Variants in SGMS1 observed in about 807,000 individuals in gnomAD.
SGMS1 encodes the protein sphingomyelin synthase 1.
A neutral mutation model predicts 46.2 loss-of-function variants in SGMS1; 13 were observed. The observed-to-expected ratio is 0.28, with a 90% CI of 0.18 to 0.45. The LOEUF (loss-of-function observed/expected upper bound fraction) is 0.45. Among genes scored for constraint, SGMS1 ranks in the 20% least tolerant of loss-of-function variants. The probability of loss-of-function intolerance (pLI) is 1.00; values close to 1 mark genes in which losing one functional copy is unlikely to be tolerated. For missense variants in SGMS1, 324 were observed against 519.9 expected (o/e 0.62, Z 3.66); for synonymous variants, 203 against 187.8 (o/e 1.08, Z -0.66).
chr10:50,353,206 C>T (rs989753292), intron 6 of SGMS1, among the ~76,000 whole-genome samples: 66 of 152,372 alleles, frequency 4.3e-4, no homozygotes, highest in African/African-American at 1.5e-3. Context: ...ACTGGCAAAC[C>T]GAATCCAGCA....
rs79141038 is a variant in SGMS1, at chr10:50,606,594, T to C, written c.-683-16347A>G. 7.6e-3 allele frequency among the ~76,000 whole-genome samples: 1,164 copies of C among 152,342 alleles called. 18 individuals carry two copies. The highest frequency in any genetic ancestry group is 0.027 in the African/African-American group (1,110 of 41,576). On this transcript the variant is annotated intron_variant, in intron 1 of 10. Transcript: ENST00000361781. ...ATATATTTCTATGCATATTTAAGAATCTACCAAAGTTGTCTTCAGCTTCCA... is the reference window on the plus strand; with the variant it reads ...ATATATTTCTATGCATATTTAAGAACCTACCAAAGTTGTCTTCAGCTTCCA...
intron 2 of SGMS1, among the ~76,000 whole-genome samples, chr10:50,587,941 TG>T: frequency 6.6e-6 from 1 of 152,276 alleles, no homozygotes; most frequent in South Asian, 2.1e-4. Flanking sequence ...ATTTTCCATA[TG>T]TATCTTCTAC....
chr10:50,455,182 C>G lies in SGMS1; in HGVS notation c.-313+5491G>C, dbSNP rs1837176324. ...CTATACCCAGGGCTGCAGCACTGCA[C>G]AATTCCAGGGGTGTCATTTACTCAC... is the stretch of plus-strand genomic sequence containing the variant. On this transcript the variant is annotated intron_variant, in intron 5 of 10. Coordinates refer to ENST00000361781, the MANE Select transcript of SGMS1 (RefSeq NM_147156.4). Among the ~76,000 whole-genome samples the G allele has an allele frequency of 2.6e-5, 4 of 152,144 alleles. No homozygotes were observed. In the South Asian group the frequency reaches 8.3e-4, roughly 31 times the overall value.
In SGMS1 at chr10:50,384,385, T is replaced by TTC. The variant is rs373499152; in HGVS notation, c.-231-40042_-231-40041dup. ...ACTTACTTTCTTTCTCTCTTTCTTT[T>TTC]TCTCTCTCTCTCTCTCCTTTCCTTC... On this transcript the variant is annotated intron_variant, in intron 6 of 10. Transcript: ENST00000361781. 5.8e-4 allele frequency among the ~76,000 whole-genome samples: 86 copies of TTC among 148,692 alleles called. 1 individual carries two copies. The East Asian group carries it at 0.014, about 25-fold the overall frequency.
intron 6 of SGMS1, among the ~76,000 whole-genome samples, chr10:50,384,223 T>A (rs535856780): frequency 6.6e-6 from 1 of 152,210 alleles, no homozygotes; most frequent in East Asian, 1.9e-4. Flanking sequence ...CTATTAAGAT[T>A]TTTTCTTCCT....
chr10:50,327,993 G>C (rs1589386826), intron 7 of SGMS1: 1 of 334,910 alleles, frequency 3.0e-6, no homozygotes, highest in East Asian at 1.0e-4. Flanking sequence ...CCATATAGTA[G>C]GTACAAATGG....
At chr10:50,318,931 CA>C (rs910663582) in intron 8 of SGMS1, among the ~76,000 whole-genome samples, 2 of 151,532 alleles carry the variant, frequency 1.3e-5, no homozygotes, top group Non-Finnish European at 2.9e-5. Flanking sequence ...TTCCCTCCAT[CA>C]AAAAAAACTT....
chr10:50,479,097 T>A lies in SGMS1; in HGVS notation c.-497-12165A>T, dbSNP rs574758088. ...GCTCCAGAATTTCTCCAGCCTTAAA[T>A]ATGTTAATGAGTATAGTGAATTTCC... On this transcript the variant is annotated intron_variant, in intron 3 of 10. Coordinates refer to ENST00000361781, the MANE Select transcript of SGMS1 (RefSeq NM_147156.4). Among the ~76,000 whole-genome samples, 7 of 131,956 alleles carry A rather than the reference T, an allele frequency of 5.3e-5. No individual in the cohort carries two copies. In the East Asian group the frequency reaches 1.4e-3, roughly 27 times the overall value. The allele number at this position is 131,956 out of a possible 152,430, so 86.6% of individuals were successfully genotyped here. A position where few individuals can be genotyped will look rare whatever the true frequency, so the allele number is the denominator to read the frequency against.
chr10:50,437,994 G>A (rs746528917), intron 5 of SGMS1, among the ~76,000 whole-genome samples: 41 of 152,334 alleles, frequency 2.7e-4, no homozygotes, highest in Non-Finnish European at 4.4e-4. Context: ...TAGAGAAGAG[G>A]AGGAAAAGCC....
chr10:50,560,608 A>G (rs1838228616), intron 2 of SGMS1, among the ~76,000 whole-genome samples: 1 of 147,132 alleles, frequency 6.8e-6, no homozygotes, highest in Non-Finnish European at 1.5e-5. Context: ...GGCATATAAT[A>G]CACAATATAT....
rs1047721350 is a variant in SGMS1, at chr10:50,306,885, C to T, written c.*257G>A. ...CATATACAAAGGAACATGGTGGTTG[C>T]GGGTTATGTAAATCCCAAACTTATG... On this transcript the variant is annotated 3_prime_UTR_variant, in exon 11 of 11. Coordinates refer to ENST00000361781, the MANE Select transcript of SGMS1 (RefSeq NM_147156.4). 8 of 332,468 alleles carry T rather than the reference C, an allele frequency of 2.4e-5. No individual in the cohort carries two copies. The highest frequency in any genetic ancestry group is 7.8e-4 in the Middle Eastern group (1 of 1,290). The allele number at this position is 332,468 out of a possible 1,614,324, so 20.6% of individuals were successfully genotyped here. A position where few individuals can be genotyped will look rare whatever the true frequency, so the allele number is the denominator to read the frequency against.
At chr10:50,378,284 C>T (rs935218351) in intron 6 of SGMS1, among the ~76,000 whole-genome samples, 1 of 152,114 alleles carries the variant, frequency 6.6e-6, no homozygotes, top group Admixed American at 6.6e-5. Flanking sequence ...GCAACCCAAA[C>T]AAAACAACTC....
chr10:50,556,373 C>T (rs549129749), intron 2 of SGMS1, among the ~76,000 whole-genome samples: 1 of 152,256 alleles, frequency 6.6e-6, no homozygotes, highest in East Asian at 1.9e-4. Flanking sequence ...AGGCAGAGGG[C>T]CAGAGAGTGC....
At chr10:50,529,928 A>T (rs532499117) in intron 2 of SGMS1, among the ~76,000 whole-genome samples, 1 of 152,252 alleles carries the variant, frequency 6.6e-6, no homozygotes, top group East Asian at 1.9e-4. Flanking sequence ...CCACACCATA[A>T]AAGAGGAGTT....
chr10:50,327,412 A>G (rs1208710064), intron 7 of SGMS1, 90 bp from the exon 8 acceptor site: 1 of 761,826 alleles, frequency 1.3e-6, no homozygotes, highest in East Asian at 2.5e-5. Context: ...ATAAAAACAA[A>G]CCCCAAAAAC....
At chr10:50,602,349 T>C (rs1838656800) in intron 1 of SGMS1, among the ~76,000 whole-genome samples, 1 of 152,260 alleles carries the variant, frequency 6.6e-6, no homozygotes, top group South Asian at 2.1e-4. Context: ...TGAATTCACC[T>C]GTCCTACCTT....
intron 6 of SGMS1, among the ~76,000 whole-genome samples, chr10:50,380,375 T>C (rs1848583599): frequency 9.3e-6 from 1 of 107,882 alleles, no homozygotes; most frequent in Non-Finnish European, 2.0e-5. Context: ...TAAGACTCTG[T>C]ATCAAAAAAA....
intron 5 of SGMS1, among the ~76,000 whole-genome samples, chr10:50,444,857 C>A (rs565074137): frequency 4.6e-5 from 7 of 152,014 alleles, no homozygotes; most frequent in Non-Finnish European, 8.8e-5. Flanking sequence ...AAAAGAAAAA[C>A]TAGCTAGTTG....
chr10:50,410,989 G>T (rs1263522016), intron 6 of SGMS1, among the ~76,000 whole-genome samples: 1 of 152,128 alleles, frequency 6.6e-6, no homozygotes, highest in African/African-American at 2.4e-5. Context: ...TTCATTATAG[G>T]TTAGTTTAAT....
Sources: allele counts gnomAD v4.1 joint callset (sites outside exome capture counted in the v4.1 genomes callset), GRCh38; gene constraint gnomAD v4.1.1; transcripts MANE v1.5; gene names NCBI Gene and HGNC (gene_info 2026-07-23, HGNC 2026-07-21).